Variants in QPCT observed in about 807,000 individuals in gnomAD.
QPCT encodes glutaminyl-peptide cyclotransferase.
A neutral mutation model predicts 43.4 loss-of-function variants in QPCT; 44 were observed. The ratio of observed to expected loss-of-function variants is 1.01; its 90% CI spans 0.80 to 1.30. The LOEUF (loss-of-function observed/expected upper bound fraction) is 1.30, where lower values mean the gene tolerates loss of function less well. Ranked by LOEUF, QPCT falls within the 50% of genes most tolerant of loss-of-function variation. QPCT has a pLI of 0.00. For missense variants in QPCT, 526 were observed against 436.5 expected, an observed-to-expected ratio of 1.21 and a Z score of -1.83; for synonymous variants, 168 against 168.4, an observed-to-expected ratio of 1.00 and a Z score of 0.02.
chr2:37,372,477 T>C lies in QPCT; in HGVS notation c.940+5T>C, dbSNP rs997187160. 64 of 1,045,468 alleles carry C rather than the reference T, an allele frequency of 6.1e-5. No homozygotes were observed. The highest frequency in any genetic ancestry group is 8.4e-5 in the Non-Finnish European group (63 of 748,342). The allele number at this position is 1,045,468 out of a possible 1,614,324, so 64.8% of individuals were successfully genotyped here. On this transcript the variant is annotated splice_donor_5th_base_variant and intron_variant, in intron 6 of 6. Transcript: ENST00000338415. ...ATATTCCATTTTTAAGAAGAGGTAA[T>C]GTGTGTGTGTGTGTGTGTTTGTGTG...
At chr2:37,372,517 G>A (rs775388124) in intron 6 of QPCT, 45 bp downstream of exon 6, 3 of 1,519,544 alleles carry the variant, frequency 2.0e-6, no homozygotes, top group African/African-American at 1.4e-5. Flanking sequence ...TGCGTGCACA[G>A]CCTGATTTTG....
intron 2 of QPCT, among the ~76,000 whole-genome samples, chr2:37,353,981 C>T (rs545802443): frequency 6.6e-5 from 10 of 152,358 alleles, no homozygotes; most frequent in East Asian, 1.9e-4. Context: ...TCTCCTGCCT[C>T]AGCCTCCCAA....
chr2:37,345,198 C>A (rs1160511623), intron 1 of QPCT, among the ~76,000 whole-genome samples: 2 of 152,202 alleles, frequency 1.3e-5, no homozygotes, highest in Admixed American at 6.5e-5. Context: ...ACCCCCCACT[C>A]GGGACCCTGG....
At chr2:37,364,348 C>A (rs1399986930) in intron 3 of QPCT, among the ~76,000 whole-genome samples, 3 of 152,050 alleles carry the variant, frequency 2.0e-5, no homozygotes, top group South Asian at 2.1e-4. Flanking sequence ...GTGAGGGGAG[C>A]CCCAAGATAA....
At chr2:37,371,031 TGC>T (rs1673063091) in intron 5 of QPCT, among the ~76,000 whole-genome samples, 1 of 152,200 alleles carries the variant, frequency 6.6e-6, no homozygotes, top group African/African-American at 2.4e-5. Flanking sequence ...CTCACACTTT[TGC>T]CATGAGTAAA....
rs1293585882 is a variant in QPCT at position 37,344,657 on chromosome 2, A to C, written c.-75A>C. 6.6e-7 allele frequency: 1 copy of C among 1,524,722 alleles called. No individual in the cohort carries two copies. Among genetic ancestry groups the C allele is most frequent in the East Asian group, 2.5e-5 (1 of 39,868 alleles). 94.4% of individuals were successfully genotyped at this position (1,524,722 alleles called of 1,614,324 possible). On this transcript the variant is annotated 5_prime_UTR_variant, in exon 1 of 7. Coordinates refer to ENST00000338415, the MANE Select transcript of QPCT (RefSeq NM_012413.4). ...TCGACCCAAGGGTGGAGAAGAGGGA[A>C]GGCGAAGGACGCGCGTTCCCGGGCT...
At position 37,369,682 on chromosome 2, in the gene QPCT, C is replaced by A; in HGVS notation, c.724-3C>A. On this transcript the variant is annotated splice_region_variant and splice_polypyrimidine_tract_variant and intron_variant, in intron 4 of 6. Coordinates refer to ENST00000338415, the MANE Select transcript of QPCT (RefSeq NM_012413.4). ...TGATTAAACATTACTTTTTCTCCCT[C>A]AGGATTTATTGGTCTTATTGGATTT... The A allele has an allele frequency of 6.3e-7, 1 of 1,577,442 alleles. No homozygotes were observed. The highest frequency in any genetic ancestry group is 8.7e-7 in the Non-Finnish European group (1 of 1,146,722).
At chr2:37,346,406 A>G (rs764302669) in intron 1 of QPCT, among the ~76,000 whole-genome samples, 2 of 152,252 alleles carry the variant, frequency 1.3e-5, no homozygotes, top group Non-Finnish European at 2.9e-5. Context: ...AGAGAACATT[A>G]CAGACTGGAA....
chr2:37,352,725 C>T, intron 1 of QPCT, 64 bp from the exon 2 acceptor site: 3 of 1,550,676 alleles, frequency 1.9e-6, no homozygotes, highest in Non-Finnish European at 2.6e-6. Context: ...TAATTGAAAA[C>T]ATGTCAGAGT....
intron 1 of QPCT, among the ~76,000 whole-genome samples, chr2:37,349,840 C>T (rs1373652801): frequency 1.3e-5 from 2 of 152,102 alleles, no homozygotes; most frequent in Admixed American, 6.5e-5. Context: ...GAAAAATGCC[C>T]ATGTTACTTT....
At chr2:37,353,647 C>T (rs1304529069) in intron 2 of QPCT, among the ~76,000 whole-genome samples, 2 of 152,168 alleles carry the variant, frequency 1.3e-5, no homozygotes, top group Admixed American at 1.3e-4. Context: ...TGGGCCAGAC[C>T]TTGAATGCCT....
At chr2:37,367,047 C>A in intron 3 of QPCT, 185 bp from the exon 4 acceptor site, 1 of 604,500 alleles carries the variant, frequency 1.7e-6, no homozygotes, top group Non-Finnish European at 2.9e-6. Context: ...TGGGTGAAGA[C>A]TGTGGGAGGT....
At chr2:37,369,559 C>T (rs1221477464) in intron 4 of QPCT, 126 bp from the exon 5 acceptor site, 8 of 704,758 alleles carry the variant, frequency 1.1e-5, no homozygotes, top group Non-Finnish European at 2.0e-5. Context: ...TTGGTTCATT[C>T]ATATAGCTTG....
intron 3 of QPCT, among the ~76,000 whole-genome samples, chr2:37,365,746 T>A (rs1177513321): frequency 2.6e-5 from 4 of 152,172 alleles, no homozygotes; most frequent in Non-Finnish European, 4.4e-5. Context: ...GATATGAGCA[T>A]GACAGAAAGA....
intron 4 of QPCT, among the ~76,000 whole-genome samples, chr2:37,367,882 A>G (rs1314337928): frequency 6.6e-6 from 1 of 152,158 alleles, no homozygotes; most frequent in East Asian, 1.9e-4. Flanking sequence ...AGAAAGAAAG[A>G]AAGAAAAATT....
At chr2:37,363,013 G>T (rs1193299126) in intron 3 of QPCT, among the ~76,000 whole-genome samples, 1 of 152,196 alleles carries the variant, frequency 6.6e-6, no homozygotes, top group Non-Finnish European at 1.5e-5. Context: ...GTGACAGTGG[G>T]GCACCCCATG....
At chr2:37,358,300 G>T (rs552507192) in intron 2 of QPCT, among the ~76,000 whole-genome samples, 2 of 152,128 alleles carry the variant, frequency 1.3e-5, no homozygotes, top group African/African-American at 2.4e-5. Flanking sequence ...AGTCAGGCAT[G>T]GTGGCATGTG....
chr2:37,353,732 C>A (rs1054959333), intron 2 of QPCT, among the ~76,000 whole-genome samples: 2 of 152,160 alleles, frequency 1.3e-5, no homozygotes, highest in Admixed American at 6.5e-5. Context: ...TTCAAACTAG[C>A]CCCATTTTAA....
At position 37,372,909 on chromosome 2, in the gene QPCT, C is replaced by A; in HGVS notation, c.*82C>A. On this transcript the variant is annotated 3_prime_UTR_variant, in exon 7 of 7. Coordinates refer to ENST00000338415, the MANE Select transcript of QPCT (RefSeq NM_012413.4). ...TCATTTAAAATAATCTGATTTCAGACAAATGCTGTGTGGAAACATCTATCC... is the reference window on the plus strand; with the variant it reads ...TCATTTAAAATAATCTGATTTCAGAAAAATGCTGTGTGGAAACATCTATCC... 7.9e-7 allele frequency: 1 copy of A among 1,271,168 alleles called. No individual in the cohort carries two copies. The highest frequency in any genetic ancestry group is 1.1e-6 in the Non-Finnish European group (1 of 923,430). 78.7% of individuals were successfully genotyped at this position (1,271,168 alleles called of 1,614,324 possible). A position where few individuals can be genotyped will look rare whatever the true frequency, so the allele number is the denominator to read the frequency against.
Sources: allele counts gnomAD v4.1 joint callset (sites outside exome capture counted in the v4.1 genomes callset), GRCh38; gene constraint gnomAD v4.1.1; transcripts MANE v1.5; gene names NCBI Gene and HGNC (gene_info 2026-07-23, HGNC 2026-07-21).